Variants in MAGI1 observed in about 807,000 individuals in gnomAD.
The protein encoded by MAGI1 is membrane-associated guanylate kinase, WW and PDZ domain-containing protein 1.
Under a neutral mutation model 139.9 loss-of-function variants are expected in MAGI1, and 58 were observed. The ratio of observed to expected loss-of-function variants is 0.41; its 90% confidence interval spans 0.34 to 0.52. The LOEUF is 0.52. MAGI1 is among the 20% of genes least tolerant of loss of function. The probability of loss-of-function intolerance (pLI) is 0.12; values close to 1 mark genes in which losing one functional copy is unlikely to be tolerated. For missense variants in MAGI1, 1,874 were observed against 1,901.6 expected (o/e 0.99, Z 0.27); for synonymous variants, 812 against 737.9 (o/e 1.10, Z -1.63).
chr3:65,812,085 T>A (rs2649185), intron 1 of MAGI1, among the ~76,000 whole-genome samples: 24,364 of 152,026 alleles, frequency 0.16, 2,060 homozygotes, highest in Middle Eastern at 0.24. Context: ...CTGAAATTGA[T>A]CTGTGTCTCT....
At chr3:65,663,734 G>A (rs1451646656) in intron 1 of MAGI1, among the ~76,000 whole-genome samples, 1 of 152,124 alleles carries the variant, frequency 6.6e-6, no homozygotes, top group Non-Finnish European at 1.5e-5. Flanking sequence ...GGGCTGCCTT[G>A]TTCTTCCTTG....
intron 2 of MAGI1, among the ~76,000 whole-genome samples, chr3:65,499,613 A>T (rs1461045563): frequency 6.6e-6 from 1 of 151,534 alleles, no homozygotes; most frequent in Non-Finnish European, 1.5e-5. Flanking sequence ...ACAGACTGAG[A>T]CTCCGTCTCA....
intron 1 of MAGI1, among the ~76,000 whole-genome samples, chr3:65,999,674 T>A (rs1347984135): frequency 6.6e-6 from 1 of 152,218 alleles, no homozygotes; most frequent in Non-Finnish European, 1.5e-5. Context: ...TTCTTTATTA[T>A]CTGATTGCTA....
chr3:65,449,953 T>C lies in MAGI1; in HGVS notation c.1043-1896A>G, dbSNP rs376347205. 3.9e-5 allele frequency among the ~76,000 whole-genome samples: 6 copies of C among 152,316 alleles called. No homozygotes were observed. The South Asian group carries it at 6.2e-4, about 16-fold the overall frequency. Reference sequence around the variant, plus strand: ...ATTCCCTGAAGTATAACCTGAAGGATATGCAAAGTTTAATGTCTGTTGTAT... The same window carrying C: ...ATTCCCTGAAGTATAACCTGAAGGACATGCAAAGTTTAATGTCTGTTGTAT... On this transcript the variant is annotated intron_variant, in intron 6 of 22. Transcript: ENST00000402939.
chr3:65,755,416 T>C (rs2036487448), intron 1 of MAGI1, among the ~76,000 whole-genome samples: 1 of 152,212 alleles, frequency 6.6e-6, no homozygotes, highest in South Asian at 2.1e-4. Context: ...ACCTTTGGTC[T>C]CTGATATCAG....
intron 1 of MAGI1, among the ~76,000 whole-genome samples, chr3:65,659,893 A>G (rs1481860397): frequency 6.6e-6 from 1 of 152,158 alleles, no homozygotes; most frequent in African/African-American, 2.4e-5. Context: ...AGTGGATGGC[A>G]AAGGTTTCCA....
chr3:65,994,428 T>A (rs2066337619), intron 1 of MAGI1, among the ~76,000 whole-genome samples: 1 of 152,152 alleles, frequency 6.6e-6, no homozygotes. Flanking sequence ...CCCCTCCTCA[T>A]ATGCTAAGCA....
intron 14 of MAGI1, among the ~76,000 whole-genome samples, chr3:65,388,727 C>T (rs1943649860): frequency 6.6e-6 from 1 of 151,398 alleles, no homozygotes; most frequent in African/African-American, 2.4e-5. Context: ...TATCCGTCAA[C>T]TACAGAGACT....
chr3:65,660,150 C>A (rs1241344803), intron 1 of MAGI1, among the ~76,000 whole-genome samples: 1 of 152,168 alleles, frequency 6.6e-6, no homozygotes, highest in African/African-American at 2.4e-5. Flanking sequence ...AGGTAAAGTT[C>A]ATTGTGGTGA....
chr3:65,800,411 T>C (rs946386122), intron 1 of MAGI1, among the ~76,000 whole-genome samples: 8 of 152,162 alleles, frequency 5.3e-5, no homozygotes, highest in African/African-American at 1.7e-4. Context: ...TTTTAGTAAT[T>C]GTGAATTTCT....
chr3:65,869,681 T>C (rs1299843819), intron 1 of MAGI1, among the ~76,000 whole-genome samples: 1 of 151,972 alleles, frequency 6.6e-6, no homozygotes, highest in African/African-American at 2.4e-5. Flanking sequence ...ATTACAGGAG[T>C]GAGCCACCGC....
At chr3:65,762,242 G>A (rs1339475658) in intron 1 of MAGI1, among the ~76,000 whole-genome samples, 1 of 152,152 alleles carries the variant, frequency 6.6e-6, no homozygotes, top group Non-Finnish European at 1.5e-5. Context: ...AATGCCTCCT[G>A]AAGTGGGTCC....
At chr3:65,416,842 G>C (rs977100533) in intron 12 of MAGI1, among the ~76,000 whole-genome samples, 57 of 152,108 alleles carry the variant, frequency 3.7e-4, no homozygotes, top group Non-Finnish European at 5.3e-4. Context: ...TTCACAAATA[G>C]GGGACATGAT....
intron 10 of MAGI1, among the ~76,000 whole-genome samples, chr3:65,432,455 T>C (rs973414406): frequency 2.6e-5 from 4 of 152,250 alleles, no homozygotes; most frequent in South Asian, 4.1e-4. Context: ...TGGGCATGCA[T>C]ACAATTTTTA....
chr3:65,391,181 T>TA lies in MAGI1; in HGVS notation c.2376dup (p.Lys793Ter). ...ATGCTCCTGGACTGGGCCCAGATTTTAAAAGGATCTGGTTTTTTCTGGCCA... is the reference window on the plus strand; with the variant it reads ...ATGCTCCTGGACTGGGCCCAGATTTTAAAAAGGATCTGGTTTTTTCTGGCCA... On this transcript the variant is annotated frameshift_variant, in exon 14 of 23. Coordinates refer to ENST00000402939, the MANE Select transcript of MAGI1 (RefSeq NM_001033057.2). LOFTEE classifies it high-confidence loss of function. The TA allele has an allele frequency of 6.2e-7, 1 of 1,614,224 alleles. No homozygotes were observed. The highest frequency in any genetic ancestry group is 8.5e-7 in the Non-Finnish European group (1 of 1,180,048).
chr3:65,937,532 G>A (rs766437894), intron 1 of MAGI1, among the ~76,000 whole-genome samples: 2 of 152,204 alleles, frequency 1.3e-5, no homozygotes, highest in Non-Finnish European at 2.9e-5. Context: ...GTGGATGATG[G>A]TCTGACCACA....
chr3:65,701,963 G>A (rs922529497), intron 1 of MAGI1, among the ~76,000 whole-genome samples: 3 of 152,062 alleles, frequency 2.0e-5, no homozygotes, highest in African/African-American at 7.2e-5. Flanking sequence ...CCCACACAAT[G>A]CCTGCATATA....
chr3:65,801,815 C>T (rs2040532184), intron 1 of MAGI1, among the ~76,000 whole-genome samples: 1 of 152,120 alleles, frequency 6.6e-6, no homozygotes, highest in African/African-American at 2.4e-5. Flanking sequence ...AAGCAGGGGT[C>T]CCCAAACCCC....
At chr3:65,453,390 A>G in intron 5 of MAGI1, 50 bp from the exon 6 acceptor site, 1 of 1,349,588 alleles carries the variant, frequency 7.4e-7, no homozygotes, top group Non-Finnish European at 1.0e-6. Context: ...AAAAAAAAAA[A>G]AGCAAGAAGC....
Sources: allele counts gnomAD v4.1 joint callset (sites outside exome capture counted in the v4.1 genomes callset), GRCh38; gene constraint gnomAD v4.1.1; transcripts MANE v1.5; gene names NCBI Gene and HGNC (gene_info 2026-07-23, HGNC 2026-07-21).